Variants in DNAH10 observed in about 807,000 individuals in gnomAD.
DNAH10 encodes the protein dynein axonemal heavy chain 10.
Under a neutral mutation model 506.6 loss-of-function variants are expected in DNAH10, and 348 were observed. The observed-to-expected ratio is 0.69, with a 90% CI of 0.63 to 0.75. The LOEUF (loss-of-function observed/expected upper bound fraction) is 0.75. Ranked by LOEUF, DNAH10 falls within the 30% of genes least tolerant of loss-of-function variation. The pLI, the probability that DNAH10 is intolerant of heterozygous loss-of-function variation, is 0.00. For synonymous variants in DNAH10, 2,059 were observed against 2,198.6 expected (o/e 0.94, Z 1.78); for missense variants, 5,179 against 5,787.1 (o/e 0.89, Z 3.41).
chr12:123,923,920 T>G (rs1464143153), intron 66 of DNAH10, 53 bp downstream of exon 66: 1 of 1,316,212 alleles, frequency 7.6e-7, no homozygotes. Flanking sequence ...ACATGATACA[T>G]GTATATAAGT....
At position 123,934,833 on chromosome 12, in the gene DNAH10, G is replaced by C. The variant is rs1329711679; in HGVS notation, c.13623+67G>C. 4 of 1,594,318 alleles carry C rather than the reference G, an allele frequency of 2.5e-6. No individual in the cohort carries two copies. The Admixed American group carries it at 5.2e-5, about 21-fold the overall frequency. Reference sequence around the variant, plus strand: ...CTCTTCTGACTGTAGTTATGGCTGAGGTGGTTTCCAACAGTCCTACTTTTT... The same window carrying C: ...CTCTTCTGACTGTAGTTATGGCTGACGTGGTTTCCAACAGTCCTACTTTTT... On this transcript the variant is annotated intron_variant, in intron 78 of 78. Coordinates refer to ENST00000673944, the MANE Select transcript of DNAH10 (RefSeq NM_001372106.1).
intron 11 of DNAH10, among the ~76,000 whole-genome samples, chr12:123,791,416 A>G (rs1958076181): frequency 6.6e-6 from 1 of 152,196 alleles, no homozygotes; most frequent in South Asian, 2.1e-4. Context: ...TGTCTTACAC[A>G]GTTGTTTTTA....
chr12:123,864,864 A>G (rs1951744179), intron 40 of DNAH10, 134 bp downstream of exon 40: 1 of 1,136,352 alleles, frequency 8.8e-7, no homozygotes, highest in Non-Finnish European at 1.2e-6. Flanking sequence ...AATGAATACA[A>G]CTCTTTGTTC....
At position 123,850,911 on chromosome 12, in the gene DNAH10, G is replaced by A. The variant is rs1565991842; in HGVS notation, c.6126G>A (p.Leu2042=). 6.2e-7 allele frequency: 1 copy of A among 1,612,980 alleles called. No individual in the cohort carries two copies. Among genetic ancestry groups the A allele is most frequent in the Non-Finnish European group, 8.5e-7 (1 of 1,179,380 alleles). The part of the protein sequence containing the change: ...TFQFEGQEIS[L]DSRMGIFITM... ...AGTTTGAAGGGCAGGAGATTTCCCT[G>A]GACTCCCGCATGGGCATCTTCATCA... Residue 2042 remains leucine, a synonymous_variant, in exon 35 of 79, where the codon CTG becomes CTA. Transcript: ENST00000673944. The surrounding 1 kb of genome is among the most constrained non-coding windows in gnomAD (Gnocchi z 5.5).
chr12:123,886,482 T>C (rs976214163), intron 51 of DNAH10, among the ~76,000 whole-genome samples: 2 of 148,724 alleles, frequency 1.3e-5, no homozygotes, highest in East Asian at 2.0e-4. Context: ...CGCGCGCGCG[T>C]GTGTGTGCAC....
Position 123,903,938 on chromosome 12 carries a change from C to T in DNAH10, c.9815+825C>T, listed in dbSNP as rs565577185. On this transcript the variant is annotated intron_variant, in intron 57 of 78. Transcript: ENST00000673944. This position sits in a 1 kb window ranked among gnomAD's most constrained non-coding sequence, Gnocchi z 4.6. ...TGGCCCCACACACGGGTCTCGCAGC[C>T]GAGAGGCTCCGTTCCTGGGTCAGTA... 5.3e-5 allele frequency among the ~76,000 whole-genome samples: 8 copies of T among 152,330 alleles called. No homozygotes were observed. In the East Asian group the frequency reaches 1.4e-3, roughly 26 times the overall value.
chr12:123,860,327 G>A (rs900109933), intron 38 of DNAH10, among the ~76,000 whole-genome samples: 2 of 152,184 alleles, frequency 1.3e-5, no homozygotes, highest in African/African-American at 4.8e-5. Flanking sequence ...ACTCTAAGTG[G>A]GCTGTGCCGT....
intron 51 of DNAH10, chr12:123,882,366 T>A (rs1194560861): frequency 6.6e-6 from 1 of 152,204 alleles, no homozygotes; most frequent in African/African-American, 2.4e-5. Context: ...AATCTTAGAA[T>A]CTTGTATTTT....
Position 123,907,481 on chromosome 12 carries a change from C to T in DNAH10, c.9816-1780C>T, listed in dbSNP as rs191297482. On this transcript the variant is annotated intron_variant, in intron 57 of 78. Coordinates refer to ENST00000673944, the MANE Select transcript of DNAH10 (RefSeq NM_001372106.1). This position sits in a 1 kb window ranked among gnomAD's most constrained non-coding sequence, Gnocchi z 4.4. ...CCACATTTCACACACCTTGGTCATC[C>T]GGCATTGTGGAAAGTGGTATGTTCT... Among the ~76,000 whole-genome samples, 7 of 152,280 alleles carry T rather than the reference C, an allele frequency of 4.6e-5. No homozygotes were observed. The highest frequency in any genetic ancestry group is 1.9e-4 in the East Asian group (1 of 5,184).
intron 12 of DNAH10, among the ~76,000 whole-genome samples, chr12:123,795,357 G>A (rs1320542328): frequency 3.9e-5 from 6 of 152,048 alleles, no homozygotes; most frequent in African/African-American, 9.7e-5. Flanking sequence ...TTATGGTACT[G>A]GAGGTCAGAA....
At chr12:123,899,356 C>G (rs1339627276) in intron 56 of DNAH10, among the ~76,000 whole-genome samples, 1 of 152,190 alleles carries the variant, frequency 6.6e-6, no homozygotes, top group Non-Finnish European at 1.5e-5. Flanking sequence ...TAAGCCTCCT[C>G]TCTAGGTCTT....
Position 123,926,220 on chromosome 12 carries a change from G to T in DNAH10, c.11922-417G>T, listed in dbSNP as rs118028782. The stretch of plus-strand genomic sequence containing the variant: ...TACTCCAGCCTGGGCAACAGAGTGA[G>T]ATTATATATTTCAATTTAAAAAAAA... On this transcript the variant is annotated intron_variant, in intron 68 of 78. Coordinates refer to ENST00000673944, the MANE Select transcript of DNAH10 (RefSeq NM_001372106.1). This position sits in a 1 kb window ranked among gnomAD's most constrained non-coding sequence, Gnocchi z 4.1. 2 of 144,900 alleles carry T rather than the reference G, an allele frequency of 1.4e-5. No individual in the cohort carries two copies. Among genetic ancestry groups the T allele is most frequent in the East Asian group, 4.1e-4 (2 of 4,880 alleles). The allele number at this position is 144,900 out of a possible 1,614,324, so 9.0% of individuals were successfully genotyped here.
chr12:123,811,826 A>G (rs548337854), intron 19 of DNAH10, among the ~76,000 whole-genome samples: 35 of 149,932 alleles, frequency 2.3e-4, no homozygotes, highest in African/African-American at 8.6e-4. Context: ...TTTAGTAGAG[A>G]CAGGGTTTCG....
chr12:123,868,025 T>A lies in DNAH10; in HGVS notation c.7425T>A (p.Asp2475Glu), dbSNP rs1408152254. The change falls in exon 43 of 79, where the codon GAT becomes GAA. Residue 2475 changes from aspartate to glutamate, a missense_variant. Physicochemically the swap from Asp to Glu is conservative, Grantham distance 45 (BLOSUM62 2). This residue lies in a region of DNAH10 where 4,844 missense variants were observed against 5,430.5 expected (regional missense o/e 0.89). Transcript: ENST00000673944. The stretch of plus-strand genomic sequence containing the variant: ...CTCTGGGAGCCTCCCTGCTTGAGGA[T>A]GGAAGGATGAAATTTGACGAATATA... ...YCSLGASLLE[D>E]GRMKFDEYIK... 6.2e-7 allele frequency: 1 copy of A among 1,613,798 alleles called. No individual in the cohort carries two copies. Among genetic ancestry groups the A allele is most frequent in the African/African-American group, 1.3e-5 (1 of 74,896 alleles).
At position 123,922,308 on chromosome 12, in the gene DNAH10, G is replaced by A. The variant is rs527262867; in HGVS notation, c.11507-1455G>A. ...GGAGAATGGCTTGAACCCGGGAGGC[G>A]GAGGTTGCAGTGAGCCGAGATCGCG... On this transcript the variant is annotated intron_variant, in intron 65 of 78. Coordinates refer to ENST00000673944, the MANE Select transcript of DNAH10 (RefSeq NM_001372106.1). 2.6e-5 allele frequency among the ~76,000 whole-genome samples: 4 copies of A among 152,120 alleles called. No individual in the cohort carries two copies. In the East Asian group the frequency reaches 5.9e-4, roughly 22 times the overall value.
At chr12:123,824,123 TG>T (rs1454724223) in intron 24 of DNAH10, among the ~76,000 whole-genome samples, 1 of 152,192 alleles carries the variant, frequency 6.6e-6, no homozygotes, top group East Asian at 1.9e-4. Flanking sequence ...GTGGCAGCGG[TG>T]CAGGTTGGGA....
chr12:123,813,136 T>C (rs759456787), intron 19 of DNAH10, 28 bp from the exon 20 acceptor site: 2 of 1,552,002 alleles, frequency 1.3e-6, no homozygotes, highest in East Asian at 4.5e-5. Context: ...TAAAATACTG[T>C]CTTTTCTCCT....
chr12:123,788,010 C>T lies in DNAH10; in HGVS notation c.1620+8C>T. The T allele has an allele frequency of 6.4e-7, 1 of 1,558,858 alleles. No individual in the cohort carries two copies. The highest frequency in any genetic ancestry group is 8.7e-7 in the Non-Finnish European group (1 of 1,150,750). On this transcript the variant is annotated splice_region_variant and intron_variant, in intron 10 of 78. Coordinates refer to ENST00000673944, the MANE Select transcript of DNAH10 (RefSeq NM_001372106.1). The stretch of plus-strand genomic sequence containing the variant: ...CTCTCCGACGTTCTGCAGGTAGGGG[C>T]TGGGCGAAGGCCGGCGGAATTTGCC...
At chr12:123,900,930 G>A (rs7977078) in intron 56 of DNAH10, among the ~76,000 whole-genome samples, 49,157 of 152,062 alleles carry the variant, frequency 0.32, 9,501 homozygotes, top group African/African-American at 0.55. Flanking sequence ...AGCTCCCAGA[G>A]TTGGCTGTGA....
Sources: allele counts gnomAD v4.1 joint callset (sites outside exome capture counted in the v4.1 genomes callset), GRCh38; gene constraint gnomAD v4.1.1; regional missense constraint gnomAD v4.1.1; non-coding constraint Gnocchi (gnomAD v3.1); transcripts MANE v1.5; gene names NCBI Gene and HGNC (gene_info 2026-07-23, HGNC 2026-07-21).